SPATA17: variants seen among roughly 807,000 people sequenced by gnomAD.
SPATA17 encodes spermatogenesis-associated protein 17.
A neutral mutation model predicts 62.2 loss-of-function variants in SPATA17; 53 were observed. The ratio of observed to expected loss-of-function variants is 0.85; its 90% confidence interval spans 0.68 to 1.07. The LOEUF (loss-of-function observed/expected upper bound fraction) is 1.07. Among genes scored for constraint, SPATA17 ranks in the 50% least tolerant of loss-of-function variants. The pLI is 0.00. For missense variants in SPATA17, 466 were observed against 425.5 expected, an observed-to-expected ratio of 1.10 and a Z score of -0.84; for synonymous variants, 146 against 146.8, an observed-to-expected ratio of 0.99 and a Z score of 0.04.
intron 5 of SPATA17, among the ~76,000 whole-genome samples, chr1:217,727,591 G>T (rs1306473001): frequency 2.6e-5 from 4 of 151,966 alleles, no homozygotes; most frequent in Non-Finnish European, 5.9e-5. Flanking sequence ...AAATTTGGAG[G>T]AATATTTGAA....
At chr1:217,650,366 G>A (rs184973513) in intron 2 of SPATA17, among the ~76,000 whole-genome samples, 1 of 150,532 alleles carries the variant, frequency 6.6e-6, no homozygotes. Context: ...AGAATGAAGA[G>A]GAGAACTATT....
At chr1:217,717,912 G>A (rs1479350089) in intron 5 of SPATA17, among the ~76,000 whole-genome samples, 4 of 150,266 alleles carry the variant, frequency 2.7e-5, no homozygotes, top group African/African-American at 7.4e-5. Context: ...TAAGAGTCCT[G>A]TAATTTGGCA....
intron 5 of SPATA17, among the ~76,000 whole-genome samples, chr1:217,737,030 G>GA (rs1020169762): frequency 1.3e-5 from 2 of 151,702 alleles, no homozygotes; most frequent in Non-Finnish European, 1.5e-5. Context: ...TACCTCTTCA[G>GA]AAAAAAAAGT....
intron 9 of SPATA17, among the ~76,000 whole-genome samples, chr1:217,808,382 C>CA (rs869084527): frequency 0.27 from 11,222 of 42,226 alleles, 635 homozygotes; most frequent in African/African-American, 0.34. Context: ...CACACACACA[C>CA]CCCCCTCAGA....
At chr1:217,859,183 AATT>A (rs1262209949) in intron 9 of SPATA17, among the ~76,000 whole-genome samples, 3 of 146,562 alleles carry the variant, frequency 2.0e-5, no homozygotes, top group Non-Finnish European at 4.5e-5. Context: ...TATAATATAA[AATT>A]ATAAATATAT....
intron 6 of SPATA17, among the ~76,000 whole-genome samples, chr1:217,753,229 C>T (rs1227667103): frequency 6.6e-6 from 1 of 152,200 alleles, no homozygotes; most frequent in Non-Finnish European, 1.5e-5. Flanking sequence ...GCTTAAGCTT[C>T]CTTAGTTTCA....
intron 6 of SPATA17, among the ~76,000 whole-genome samples, chr1:217,750,344 G>A (rs1438864709): frequency 6.6e-6 from 1 of 152,002 alleles, no homozygotes; most frequent in Admixed American, 6.6e-5. Context: ...GACCCAAATG[G>A]ACATAAAATT....
At chr1:217,696,494 G>A (rs1671465000) in intron 5 of SPATA17, among the ~76,000 whole-genome samples, 1 of 152,166 alleles carries the variant, frequency 6.6e-6, no homozygotes, top group Non-Finnish European at 1.5e-5. Flanking sequence ...GACCAGAGCT[G>A]TTCCTATTCA....
At chr1:217,651,280 G>A (rs1191634806) in intron 3 of SPATA17, 102 bp downstream of exon 3, 19 of 873,338 alleles carry the variant, frequency 2.2e-5, no homozygotes, top group Non-Finnish European at 2.9e-5. Flanking sequence ...TACTGATGAT[G>A]AGTATTTATG....
chr1:217,728,149 T>G (rs868743008), intron 5 of SPATA17, among the ~76,000 whole-genome samples: 18 of 152,236 alleles, frequency 1.2e-4, no homozygotes, highest in Middle Eastern at 3.4e-3. Flanking sequence ...ACTTATTTAT[T>G]TAGTTACTAC....
At chr1:217,769,910 T>G (rs1221395748) in intron 6 of SPATA17, among the ~76,000 whole-genome samples, 1 of 152,238 alleles carries the variant, frequency 6.6e-6, no homozygotes, top group African/African-American at 2.4e-5. Flanking sequence ...AATGCTAGAT[T>G]GTGACAGTGT....
intron 1 of SPATA17, among the ~76,000 whole-genome samples, chr1:217,641,599 A>T (rs1333492841): frequency 6.6e-6 from 1 of 152,204 alleles, no homozygotes; most frequent in Non-Finnish European, 1.5e-5. Context: ...AGTATCTGAA[A>T]TTTAAAAATT....
chr1:217,660,995 G>A (rs2102890841), intron 3 of SPATA17, among the ~76,000 whole-genome samples: 2 of 152,240 alleles, frequency 1.3e-5, no homozygotes, highest in Admixed American at 1.3e-4. Context: ...CTTGTAAGGC[G>A]ATGGTGCAAA....
intron 5 of SPATA17, among the ~76,000 whole-genome samples, chr1:217,704,219 C>T (rs1258048431): frequency 7.3e-6 from 1 of 137,286 alleles, no homozygotes; most frequent in Non-Finnish European, 1.6e-5. Flanking sequence ...AACTCTCCTC[C>T]TTCCCTCTAC....
chr1:217,752,070 G>A (rs948485675), intron 6 of SPATA17, among the ~76,000 whole-genome samples: 1 of 152,090 alleles, frequency 6.6e-6, no homozygotes, highest in Admixed American at 6.5e-5. Flanking sequence ...ACAGAGTCTC[G>A]CTCTGTCACT....
chr1:217,864,114 A>G (rs1675953781), intron 10 of SPATA17, among the ~76,000 whole-genome samples: 1 of 152,234 alleles, frequency 6.6e-6, no homozygotes, highest in African/African-American at 2.4e-5. Context: ...GGAAATGTAT[A>G]TATAATACCA....
chr1:217,674,389 G>C (rs978240710), intron 4 of SPATA17, among the ~76,000 whole-genome samples: 1 of 152,158 alleles, frequency 6.6e-6, no homozygotes, highest in African/African-American at 2.4e-5. Flanking sequence ...TGGTCGTTTT[G>C]CAGGGATTAT....
intron 3 of SPATA17, among the ~76,000 whole-genome samples, chr1:217,659,554 T>G (rs1670520240): frequency 6.6e-6 from 1 of 152,158 alleles, no homozygotes; most frequent in Non-Finnish European, 1.5e-5. Context: ...GTGCAGGTGG[T>G]ATCTGTTTTA....
chr1:217,842,382 T>C (rs1009563917), intron 9 of SPATA17, among the ~76,000 whole-genome samples: 2 of 152,038 alleles, frequency 1.3e-5, no homozygotes, highest in Non-Finnish European at 2.9e-5. Flanking sequence ...TGTGACATTG[T>C]TCTTTCTTCC....
Sources: gnomAD v4.1 joint callset for allele counts (sites outside exome capture counted in the v4.1 genomes callset) on GRCh38, gnomAD v4.1.1 for gene constraint, MANE v1.5 for transcripts, NCBI Gene and HGNC (gene_info 2026-07-23, HGNC 2026-07-21) for gene names.